UPP2: variants seen among roughly 807,000 people sequenced by gnomAD.
The protein encoded by UPP2 is UPase 2.
UPP2 carries 23 observed loss-of-function variants against 26.7 expected under a neutral mutation model. The ratio of observed to expected loss-of-function variants is 0.86; its 90% CI spans 0.62 to 1.22. The LOEUF (loss-of-function observed/expected upper bound fraction) is 1.22. Ranked by LOEUF, UPP2 falls within the 50% of genes most tolerant of loss-of-function variation. UPP2 has a pLI of 0.00. For synonymous variants in UPP2, 127 were observed against 141.3 expected, an observed-to-expected ratio of 0.90 and a Z score of 0.72; for missense variants, 387 against 396.7, an observed-to-expected ratio of 0.98 and a Z score of 0.21.
chr2:158,024,192 A>G (rs901522160), intron 3 of UPP2, among the ~76,000 whole-genome samples: 1 of 152,144 alleles, frequency 6.6e-6, no homozygotes, highest in Non-Finnish European at 1.5e-5. Flanking sequence ...TATTTTTTAA[A>G]ATATGGGACT....
rs764074963 is a variant in UPP2, at chr2:158,106,156, C to T, written c.120C>T (p.Leu40=). Residue 40 remains leucine (L), a synonymous_variant, in exon 2 of 7, where the codon CTC becomes CTT. Coordinates refer to ENST00000005756, the MANE Select transcript of UPP2 (RefSeq NM_173355.4). The part of the protein sequence containing the change: ...PYLDLMDEDI[L]YHLDLGTKTH... ...TGGATTTGATGGATGAAGACATTCT[C>T]TATCACTTGGATTTGGGAACAAAAA... 6.2e-7 allele frequency: 1 copy of T among 1,609,774 alleles called. No homozygotes were observed. Among genetic ancestry groups the T allele is most frequent in the South Asian group, 1.1e-5 (1 of 90,148 alleles).
In UPP2 at chr2:158,122,574, CT is replaced by C. The variant is rs769323432; in HGVS notation, c.664+958del. 9.1e-4 allele frequency among the ~76,000 whole-genome samples: 138 copies of C among 152,196 alleles called. 1 individual carries two copies. Among genetic ancestry groups the C allele is most frequent in the Non-Finnish European group, 1.7e-3 (118 of 67,964 alleles). On this transcript the variant is annotated intron_variant, in intron 5 of 6. Transcript: ENST00000005756. The stretch of plus-strand genomic sequence containing the variant: ...TTAAAGCAGAATTTGCAAATGGAAG[CT>C]TGTTAAAGTCAATGTTTCCTTTGGC...
Position 158,134,872 on chromosome 2 carries a change from G to A in UPP2, c.936G>A (p.Arg312=). Residue 312 remains arginine, a synonymous_variant, in exon 7 of 7, where the codon CGG becomes CGA. Transcript: ENST00000005756. ...TAATCTCCAACTTCATCAGACGGCG[G>A]CTTGGACTTTGTGACTAGACGTCCT... is the stretch of plus-strand genomic sequence containing the variant. ...QLLISNFIRR[R]LGLCD 1 of 1,613,204 alleles carries A rather than the reference G, an allele frequency of 6.2e-7. No homozygotes were observed. Among genetic ancestry groups the A allele is most frequent in the Non-Finnish European group, 8.5e-7 (1 of 1,179,536 alleles).
chr2:158,105,307 G>T (rs1170106650), intron 1 of UPP2, among the ~76,000 whole-genome samples: 2 of 152,176 alleles, frequency 1.3e-5, no homozygotes, highest in Non-Finnish European at 2.9e-5. Context: ...AAAGAAAAGG[G>T]AGGAAGGATT....
At chr2:158,115,681 C>T (rs1411064938) in intron 3 of UPP2, among the ~76,000 whole-genome samples, 1 of 152,192 alleles carries the variant, frequency 6.6e-6, no homozygotes, top group Non-Finnish European at 1.5e-5. Context: ...GCTGCTAATG[C>T]ATTTCTACTG....
chr2:158,086,257 A>T (rs1303485669), intron 3 of UPP2, among the ~76,000 whole-genome samples: 3 of 151,910 alleles, frequency 2.0e-5, no homozygotes, highest in Admixed American at 6.6e-5. Flanking sequence ...TTTCTCCTGT[A>T]TGTTTTCTAA....
At position 158,135,112 on chromosome 2, in the gene UPP2, C is replaced by G; in HGVS notation, c.*222C>G. 1 of 469,622 alleles carries G rather than the reference C, an allele frequency of 2.1e-6. No homozygotes were observed. The highest frequency in any genetic ancestry group is 3.4e-6 in the Non-Finnish European group (1 of 294,428). 29.1% of individuals were successfully genotyped at this position (469,622 alleles called of 1,614,324 possible). A position where few individuals can be genotyped will look rare whatever the true frequency, so the allele number is the denominator to read the frequency against. On this transcript the variant is annotated 3_prime_UTR_variant, in exon 7 of 7. Transcript: ENST00000005756. Reference sequence around the variant, plus strand: ...TTTAGAATAAGTTAACTAAATCAGTCTAATAATTAAAATTTTAAAACTCCT... The same window carrying G: ...TTTAGAATAAGTTAACTAAATCAGTGTAATAATTAAAATTTTAAAACTCCT...
At chr2:158,104,236 A>G (rs1350248987) in intron 1 of UPP2, among the ~76,000 whole-genome samples, 2 of 152,196 alleles carry the variant, frequency 1.3e-5, no homozygotes, top group African/African-American at 4.8e-5. Context: ...GAACACAGTG[A>G]GAAAAAAATT....
intron 3 of UPP2, among the ~76,000 whole-genome samples, chr2:158,051,997 T>C (rs1682167630): frequency 1.3e-5 from 2 of 152,142 alleles, no homozygotes; most frequent in Admixed American, 1.3e-4. Flanking sequence ...TCCCAGTAAA[T>C]ACCCTGCTAC....
intron 6 of UPP2, among the ~76,000 whole-genome samples, chr2:158,127,443 A>T (rs1683717980): frequency 6.6e-6 from 1 of 151,912 alleles, no homozygotes; most frequent in Non-Finnish European, 1.5e-5. Context: ...TTCAATATTT[A>T]CTGAACGAGT....
intron 3 of UPP2, among the ~76,000 whole-genome samples, chr2:158,094,815 G>A (rs1353861202): frequency 6.6e-6 from 1 of 152,144 alleles, no homozygotes; most frequent in Non-Finnish European, 1.5e-5. Context: ...AACCTTCCTT[G>A]AGTTCCCAGG....
chr2:158,130,943 T>G (rs1683805645), intron 6 of UPP2, among the ~76,000 whole-genome samples: 1 of 152,170 alleles, frequency 6.6e-6, no homozygotes, highest in South Asian at 2.1e-4. Context: ...ACAAATTGTT[T>G]CTATGTCTCT....
At chr2:158,080,599 G>C (rs1456721898) in intron 3 of UPP2, among the ~76,000 whole-genome samples, 1 of 152,176 alleles carries the variant, frequency 6.6e-6, no homozygotes, top group Admixed American at 6.6e-5. Flanking sequence ...AAATCTTGAT[G>C]CACTACTCCC....
At chr2:158,110,775 G>C (rs959981671) in intron 2 of UPP2, among the ~76,000 whole-genome samples, 2 of 152,138 alleles carry the variant, frequency 1.3e-5, no homozygotes, top group African/African-American at 2.4e-5. Flanking sequence ...GTGATGATGA[G>C]CATTTTTTCA....
At chr2:158,091,701 G>A (rs750586430) in intron 3 of UPP2, among the ~76,000 whole-genome samples, 9 of 152,160 alleles carry the variant, frequency 5.9e-5, no homozygotes, top group African/African-American at 9.7e-5. Context: ...GCTGTTGGAT[G>A]ATCTAGGCTG....
chr2:157,997,764 G>A (rs1024927402), intron 2 of UPP2, among the ~76,000 whole-genome samples: 1 of 152,150 alleles, frequency 6.6e-6, no homozygotes, highest in African/African-American at 2.4e-5. Context: ...GAGGCATTTA[G>A]ATCATTGCTA....
intron 3 of UPP2, among the ~76,000 whole-genome samples, chr2:158,034,192 G>T (rs1683966658): frequency 6.6e-6 from 1 of 152,128 alleles, no homozygotes; most frequent in South Asian, 2.1e-4. Context: ...TCTTCATGGT[G>T]TTCCTTCCTG....
intron 3 of UPP2, among the ~76,000 whole-genome samples, chr2:158,063,902 T>C (rs4402705): frequency 0.67 from 102,570 of 152,072 alleles, 35,053 homozygotes; most frequent in Admixed American, 0.73. Flanking sequence ...CAGCTTCATC[T>C]TTGTCCCTGC....
intron 1 of UPP2, among the ~76,000 whole-genome samples, chr2:158,105,618 A>G (rs1683176155): frequency 6.6e-6 from 1 of 152,226 alleles, no homozygotes; most frequent in Non-Finnish European, 1.5e-5. Context: ...AACTTACTCA[A>G]GGTTGCACAA....
Sources: allele counts gnomAD v4.1 joint callset (sites outside exome capture counted in the v4.1 genomes callset), GRCh38; gene constraint gnomAD v4.1.1; transcripts MANE v1.5; gene names NCBI Gene and HGNC (gene_info 2026-07-23, HGNC 2026-07-21).